DHX36: variants seen among roughly 807,000 people sequenced by gnomAD.
DHX36 encodes the protein ATP-dependent DNA/RNA helicase DHX36.
Under a neutral mutation model 139.0 loss-of-function variants are expected in DHX36, and 50 were observed. The observed-to-expected ratio is 0.36, with a 90% CI of 0.29 to 0.46. The LOEUF (loss-of-function observed/expected upper bound fraction) is 0.46. Among genes scored for constraint, DHX36 ranks in the 20% least tolerant of loss-of-function variants. DHX36 has a pLI of 1.00. For synonymous variants in DHX36, 425 were observed against 401.9 expected, an observed-to-expected ratio of 1.06 and a Z score of -0.69; for missense variants, 1,024 against 1,211.3, an observed-to-expected ratio of 0.85 and a Z score of 2.29.
chr3:154,295,402 T>A (rs995100082), intron 12 of DHX36, 63 bp from the exon 13 acceptor site: 24 of 754,222 alleles, frequency 3.2e-5, no homozygotes, highest in Admixed American at 1.2e-4. Context: ...ATCAAACACA[T>A]ATGAGACAAT....
intron 9 of DHX36, 94 bp downstream of exon 9, chr3:154,303,235 T>TA: frequency 1.2e-6 from 1 of 853,026 alleles, no homozygotes; most frequent in East Asian, 2.8e-5. Context: ...TACAAGGAAA[T>TA]AGTCAATGAT....
chr3:154,293,340 G>A (rs1454031787), intron 14 of DHX36, among the ~76,000 whole-genome samples: 1 of 152,156 alleles, frequency 6.6e-6, no homozygotes, highest in Non-Finnish European at 1.5e-5. Flanking sequence ...AGCACTTTGG[G>A]AGGTTGAGGT....
rs558469287 is a variant in DHX36, at chr3:154,281,393, C to T, written c.2377-531G>A. ...TTTTTTTTTAAATAATGATACATGG[C>T]TTATTACAAAGCATTCAAGTAACAT... On this transcript the variant is annotated intron_variant, in intron 20 of 24. Coordinates refer to ENST00000496811, the MANE Select transcript of DHX36 (RefSeq NM_020865.3). 3.3e-5 allele frequency among the ~76,000 whole-genome samples: 5 copies of T among 151,534 alleles called. No individual in the cohort carries two copies. The South Asian group carries it at 8.3e-4, about 25-fold the overall frequency.
In DHX36 at chr3:154,274,526, G is replaced by A. The variant is rs1356940759; in HGVS notation, c.*1645C>T. On this transcript the variant is annotated 3_prime_UTR_variant, in exon 25 of 25. Transcript: ENST00000496811. Reference sequence around the variant, plus strand: ...TGAGCTAACCTCAGTCTGAGTCCGTGTCTCCTTGTGATCATTAGTTGGCTG... The same window carrying A: ...TGAGCTAACCTCAGTCTGAGTCCGTATCTCCTTGTGATCATTAGTTGGCTG... 2 of 152,226 alleles carry A rather than the reference G, an allele frequency of 1.3e-5. No homozygotes were observed. The highest frequency in any genetic ancestry group is 2.9e-5 in the Non-Finnish European group (2 of 68,126). 9.4% of individuals were successfully genotyped at this position (152,226 alleles called of 1,614,324 possible).
chr3:154,288,073 A>C (rs532515743), intron 17 of DHX36, among the ~76,000 whole-genome samples: 32 of 145,522 alleles, frequency 2.2e-4, no homozygotes, highest in African/African-American at 8.1e-4. Context: ...CTTATAACCC[A>C]GGACGTGGAG....
At chr3:154,277,829 C>T in intron 22 of DHX36, 111 bp from the exon 23 acceptor site, 1 of 1,026,562 alleles carries the variant, frequency 9.7e-7, no homozygotes, top group African/African-American at 1.6e-5. Flanking sequence ...CCAAACAAAT[C>T]CCGGAATCTA....
intron 3 of DHX36, among the ~76,000 whole-genome samples, chr3:154,313,644 T>C (rs1335525571): frequency 1.3e-5 from 2 of 152,152 alleles, no homozygotes; most frequent in African/African-American, 4.8e-5. Context: ...GGCACCACTG[T>C]ACTCTAGCCT....
At position 154,313,550 on chromosome 3, in the gene DHX36, C is replaced by T. The variant is rs893260497; in HGVS notation, c.603+1496G>A. On this transcript the variant is annotated intron_variant, in intron 3 of 24. Transcript: ENST00000496811. ...CAAAAATTAACCAGGCGTACTGGCACATGCCTGTAGTGCCAGCTACTCAGG... is the reference window on the plus strand; with the variant it reads ...CAAAAATTAACCAGGCGTACTGGCATATGCCTGTAGTGCCAGCTACTCAGG... Among the ~76,000 whole-genome samples, 4 of 152,184 alleles carry T rather than the reference C, an allele frequency of 2.6e-5. No individual in the cohort carries two copies. The East Asian group carries it at 5.8e-4, about 22-fold the overall frequency.
Position 154,311,619 on chromosome 3 carries a change from G to A in DHX36, c.642+17C>T. On this transcript the variant is annotated intron_variant, in intron 4 of 24. Coordinates refer to ENST00000496811, the MANE Select transcript of DHX36 (RefSeq NM_020865.3). ...TAATTTGCAAATCAAATTAAATAGT[G>A]GAAAAAAGCACTTTACCTTTTGCAT... 6.3e-7 allele frequency: 1 copy of A among 1,588,266 alleles called. No individual in the cohort carries two copies. Among genetic ancestry groups the A allele is most frequent in the Non-Finnish European group, 8.5e-7 (1 of 1,171,682 alleles).
rs1458081627 is a variant in DHX36, at chr3:154,283,175, C to CTTT, written c.2376+12_2376+13insAAA. 1 of 1,587,402 alleles carries CTTT rather than the reference C, an allele frequency of 6.3e-7. No homozygotes were observed. The highest frequency in any genetic ancestry group is 1.3e-5 in the African/African-American group (1 of 74,332). ...AGCATATATGATAATTACTGCAAAA[C>CTTT]ATTCACCATTACCTGCAGTGTGTTT... On this transcript the variant is annotated intron_variant, in intron 20 of 24. Transcript: ENST00000496811.
At chr3:154,289,985 C>T (rs1005510927) in intron 15 of DHX36, among the ~76,000 whole-genome samples, 159 bp from the exon 16 acceptor site, 2 of 152,136 alleles carry the variant, frequency 1.3e-5, no homozygotes, top group African/African-American at 4.8e-5. Flanking sequence ...TTTTATGAAT[C>T]ATGTATTTCT....
chr3:154,294,902 G>A (rs1711979880), intron 13 of DHX36, among the ~76,000 whole-genome samples: 1 of 152,152 alleles, frequency 6.6e-6, no homozygotes, highest in Non-Finnish European at 1.5e-5. Context: ...TACTAGCTTT[G>A]TGAAATTAAA....
In DHX36 at chr3:154,315,252, T is replaced by C. The variant is rs774738637; in HGVS notation, c.397A>G (p.Thr133Ala). ...GYGTEVSTKN[T>A]PCSENKLDIQ... ...TCAAGTTTGTTCTCTGAGCATGGTG[T>C]GTTCTTAGTAGAAACTTCAGTACCG... is the stretch of plus-strand genomic sequence containing the variant. Residue 133 changes from threonine to alanine, a missense_variant, in exon 3 of 25, where the codon ACA becomes GCA. Thr to Ala is a moderately conservative substitution (Grantham distance 58). Coordinates refer to ENST00000496811, the MANE Select transcript of DHX36 (RefSeq NM_020865.3). The C allele has an allele frequency of 2.5e-6, 4 of 1,612,820 alleles. No individual in the cohort carries two copies. In the Admixed American group the frequency reaches 6.7e-5, roughly 27 times the overall value.
intron 13 of DHX36, 87 bp from the exon 14 acceptor site, chr3:154,293,899 G>C (rs1463092549): frequency 4.3e-6 from 4 of 935,870 alleles, no homozygotes; most frequent in Non-Finnish European, 6.8e-6. Context: ...CTCAGATACT[G>C]TTCATTTTTA....
In DHX36 at chr3:154,301,098, G is replaced by C. The variant is rs9438; in HGVS notation, c.1247C>G (p.Ser416Cys). The C allele has an allele frequency of 0.4, 639,313 of 1,602,572 alleles. 128,470 individuals are homozygous for C. The highest frequency in any genetic ancestry group is 0.49 in the East Asian group (21,926 of 44,652). The change falls in exon 10 of 25, where the codon TCC becomes TGC. Residue 416 changes from serine to cysteine, a missense_variant. This residue lies in a region of DHX36 where 115 missense variants were observed against 105.6 expected (regional missense o/e 1.09). Coordinates refer to ENST00000496811, the MANE Select transcript of DHX36 (RefSeq NM_020865.3). ...RYVPEQKEHR[S>C]QFKRGFMQGH... is the part of the protein sequence containing the mutation. ...TTGCATGAAACCCCTCTTAAACTGG[G>C]ATCTGTGTTCTTTTTGTTCTGGAAC...
chr3:154,310,185 A>G (rs1052506288), intron 4 of DHX36, among the ~76,000 whole-genome samples: 1 of 152,210 alleles, frequency 6.6e-6, no homozygotes, highest in African/African-American at 2.4e-5. Flanking sequence ...ACAAATTTAT[A>G]TAATTCATAA....
chr3:154,276,610 A>G, intron 24 of DHX36, 137 bp downstream of exon 24: 1 of 1,011,974 alleles, frequency 9.9e-7, no homozygotes, highest in South Asian at 1.5e-5. Flanking sequence ...CAGAAAAACC[A>G]GGAATCATTT....
intron 22 of DHX36, among the ~76,000 whole-genome samples, chr3:154,278,317 T>C (rs954536484): frequency 1.3e-5 from 2 of 152,054 alleles, no homozygotes; most frequent in Admixed American, 6.6e-5. Context: ...GTCATACACA[T>C]TTTATCTCAA....
chr3:154,299,797 T>C, intron 12 of DHX36, 41 bp downstream of exon 12: 3 of 1,388,544 alleles, frequency 2.2e-6, no homozygotes, highest in East Asian at 2.3e-5. Context: ...ATAATTCAAA[T>C]ACCACTCTTT....
Sources: allele counts gnomAD v4.1 joint callset (sites outside exome capture counted in the v4.1 genomes callset), GRCh38; gene constraint gnomAD v4.1.1; regional missense constraint gnomAD v4.1.1; transcripts MANE v1.5; gene names NCBI Gene and HGNC (gene_info 2026-07-23, HGNC 2026-07-21).